LNX1: variants seen among roughly 807,000 people sequenced by gnomAD.
LNX1 encodes E3 ubiquitin-protein ligase LNX.
In LNX1, 54 loss-of-function variants were observed where a neutral mutation model predicts 68.4. That is an observed-to-expected ratio of 0.79 (90% CI 0.63 to 0.99). The LOEUF (loss-of-function observed/expected upper bound fraction) is 0.99, where lower values mean the gene tolerates loss of function less well. LNX1 is among the 50% of genes least tolerant of loss of function. The probability of loss-of-function intolerance (pLI) is 0.00; values close to 1 mark genes in which losing one functional copy is unlikely to be tolerated. For missense variants in LNX1, 906 were observed against 926.4 expected (o/e 0.98, Z 0.29); for synonymous variants, 336 against 350.0 (o/e 0.96, Z 0.45).
intron 2 of LNX1, among the ~76,000 whole-genome samples, chr4:53,600,061 A>C (rs1355289100): frequency 6.6e-6 from 1 of 152,058 alleles, no homozygotes; most frequent in Non-Finnish European, 1.5e-5. Flanking sequence ...TCTCCCCAAT[A>C]CCATATGCTT....
intron 9 of LNX1, 73 bp downstream of exon 9, chr4:53,476,680 G>T: frequency 8.0e-7 from 1 of 1,252,634 alleles, no homozygotes; most frequent in South Asian, 1.2e-5. Flanking sequence ...CAGCCCTAGA[G>T]AGTGAAAGAG....
chr4:53,576,335 T>C (rs1213630225), intron 1 of LNX1: 4 of 1,609,964 alleles, frequency 2.5e-6, no homozygotes, highest in Non-Finnish European at 3.4e-6. Flanking sequence ...GCCCTGGTCC[T>C]AAAGGAGATG....
intron 2 of LNX1, among the ~76,000 whole-genome samples, chr4:53,559,910 C>A (rs771796702): frequency 6.6e-6 from 1 of 152,108 alleles, no homozygotes; most frequent in Non-Finnish European, 1.5e-5. Context: ...AATATTCCTG[C>A]CTCAACCTTC....
intron 1 of LNX1, chr4:53,576,329 T>A: frequency 6.2e-7 from 1 of 1,611,470 alleles, no homozygotes; most frequent in African/African-American, 1.3e-5. Context: ...AGCGTGGCCC[T>A]GGTCCTAAAG....
At chr4:53,576,393 C>T in intron 1 of LNX1, 1 of 1,560,844 alleles carries the variant, frequency 6.4e-7, no homozygotes, top group Non-Finnish European at 8.7e-7. Context: ...ACTGACCCCT[C>T]ACATGACCAG....
At position 53,460,989 on chromosome 4, in the gene LNX1, T is replaced by A. The variant is rs1721960959; in HGVS notation, c.2105A>T (p.His702Leu). ...VNGRSTSGMI[H>L]ACLARLLKEL... ...TTTCAGCAGTCTTGCCAAGCAAGCA[T>A]GTATCATTCCTGATGTACTTCTACC... Residue 702 changes from histidine (H) to leucine (L), a missense_variant, in exon 11 of 11, where the codon CAT (histidine) becomes CTT (leucine). His to Leu is a moderately conservative substitution (Grantham distance 99). Coordinates refer to ENST00000263925, the MANE Select transcript of LNX1 (RefSeq NM_001126328.3). 6.2e-7 allele frequency: 1 copy of A among 1,608,768 alleles called. No homozygotes were observed.
At chr4:53,550,075 G>A (rs1182243409) in intron 2 of LNX1, among the ~76,000 whole-genome samples, 3 of 151,962 alleles carry the variant, frequency 2.0e-5, no homozygotes, top group Admixed American at 6.6e-5. Context: ...TCAAAGGGGG[G>A]AAAAAATAAA....
chr4:53,555,941 T>G (rs1729880625), intron 2 of LNX1, among the ~76,000 whole-genome samples: 1 of 152,066 alleles, frequency 6.6e-6, no homozygotes, highest in African/African-American at 2.4e-5. Context: ...AAACTGAAAG[T>G]AAACAAATGG....
intron 1 of LNX1, among the ~76,000 whole-genome samples, chr4:53,590,515 A>AACGGAAGTAG (rs56303907): frequency 6.6e-6 from 1 of 151,812 alleles, no homozygotes; most frequent in Non-Finnish European, 1.5e-5. Context: ...GGCTGTCAAG[A>AACGGAAGTAG]TACAGGCTGT....
At chr4:53,527,841 T>G (rs1727734053) in intron 2 of LNX1, among the ~76,000 whole-genome samples, 1 of 152,200 alleles carries the variant, frequency 6.6e-6, no homozygotes, top group South Asian at 2.1e-4. Context: ...CCTGACAGAT[T>G]CAGTATCTTC....
At chr4:53,492,657 T>C (rs912944427) in intron 6 of LNX1, among the ~76,000 whole-genome samples, 1 of 152,090 alleles carries the variant, frequency 6.6e-6, no homozygotes, top group Non-Finnish European at 1.5e-5. Flanking sequence ...GCTCCAGCCG[T>C]CACTCAGACC....
intron 4 of LNX1, among the ~76,000 whole-genome samples, chr4:53,503,150 A>G (rs1725627743): frequency 6.6e-6 from 1 of 151,938 alleles, no homozygotes; most frequent in South Asian, 2.1e-4. Flanking sequence ...GAAGTCTTGA[A>G]CCCCTCAAAG....
rs1245608297 is a variant in LNX1, at chr4:53,609,746, AT to A, written c.-215+6770del. Among the ~76,000 whole-genome samples the A allele has an allele frequency of 1.8e-3, 260 of 140,934 alleles. 5 individuals are homozygous for A. Among genetic ancestry groups the A allele is most frequent in the Non-Finnish European group, 6.8e-4 (44 of 64,762 alleles). 92.5% of individuals were successfully genotyped at this position (140,934 alleles called of 152,430 possible). On this transcript the variant is annotated intron_variant, in intron 2 of 3. Transcript: ENST00000504299. ...TACAATATATAATATACTATTATAT[AT>A]TATATATAATATACTATTATATATT...
chr4:53,485,833 G>A (rs1211881135), intron 6 of LNX1, among the ~76,000 whole-genome samples: 1 of 152,168 alleles, frequency 6.6e-6, no homozygotes, highest in Non-Finnish European at 1.5e-5. Flanking sequence ...AAGACTGAAT[G>A]AGAAAATGGC....
At chr4:53,651,661 C>T (rs930455415) in intron 1 of LNX1, among the ~76,000 whole-genome samples, 4 of 152,134 alleles carry the variant, frequency 2.6e-5, no homozygotes, top group Admixed American at 6.5e-5. Flanking sequence ...CACCCACAAC[C>T]CTACACACCC....
Position 53,460,837 on chromosome 4 carries a change from G to GATAA in LNX1, c.*66_*69dup. The GATAA allele has an allele frequency of 3.7e-6, 5 of 1,353,734 alleles. No individual in the cohort carries two copies. Among genetic ancestry groups the GATAA allele is most frequent in the Non-Finnish European group, 5.1e-6 (5 of 982,144 alleles). 83.9% of individuals were successfully genotyped at this position (1,353,734 alleles called of 1,614,324 possible). A position where few individuals can be genotyped will look rare whatever the true frequency, so the allele number is the denominator to read the frequency against. On this transcript the variant is annotated 3_prime_UTR_variant, in exon 11 of 11. Transcript: ENST00000263925. ...TTTCTTTAAATATAAAAACTGACAA[G>GATAA]ATAAATATAGTGTTTCAACTTCTTA...
At chr4:53,498,444 A>T (rs1311462971) in intron 5 of LNX1, among the ~76,000 whole-genome samples, 197 bp downstream of exon 5, 1 of 152,164 alleles carries the variant, frequency 6.6e-6, no homozygotes, top group Non-Finnish European at 1.5e-5. Context: ...GGGGGGAGAG[A>T]GTGAAAGAGC....
intron 9 of LNX1, among the ~76,000 whole-genome samples, chr4:53,464,011 C>CTGA (rs1310870018): frequency 6.6e-6 from 1 of 152,088 alleles, no homozygotes; most frequent in African/African-American, 2.4e-5. Context: ...TTATTTCTTC[C>CTGA]TGATGATTTA....
chr4:53,540,358 G>GGGCAACAAGCAAAGCTCTGTCTCAAA (rs1728665473), intron 2 of LNX1, among the ~76,000 whole-genome samples: 1 of 152,092 alleles, frequency 6.6e-6, no homozygotes, highest in Non-Finnish European at 1.5e-5. Context: ...ACTCCAGCCT[G>GGGCAACAAGCAAAGCTCTGTCTCAAA]AGTGAGAGTG....
Sources: allele counts gnomAD v4.1 joint callset (sites outside exome capture counted in the v4.1 genomes callset), GRCh38; gene constraint gnomAD v4.1.1; transcripts MANE v1.5; gene names NCBI Gene and HGNC (gene_info 2026-07-23, HGNC 2026-07-21).